HDAC9: variants seen among roughly 807,000 people sequenced by gnomAD.
HDAC9 encodes histone deacetylase 9, also known as MEF-2 interacting transcription repressor (MITR) protein.
Under a neutral mutation model 139.4 loss-of-function variants are expected in HDAC9, and 41 were observed. The observed-to-expected ratio is 0.29, with a 90% CI of 0.23 to 0.38. The LOEUF (loss-of-function observed/expected upper bound fraction) is 0.38, where lower values mean the gene tolerates loss of function less well. Ranked by LOEUF, HDAC9 falls within the 10% of genes least tolerant of loss-of-function variation. The pLI, the probability that HDAC9 is intolerant of heterozygous loss-of-function variation, is 1.00. For missense variants in HDAC9, 1,147 were observed against 1,297.0 expected, an observed-to-expected ratio of 0.88 and a Z score of 1.78; for synonymous variants, 517 against 476.2, an observed-to-expected ratio of 1.09 and a Z score of -1.12.
chr7:18,378,983 A>C (rs1346290020), intron 1 of HDAC9, among the ~76,000 whole-genome samples: 1 of 152,184 alleles, frequency 6.6e-6, no homozygotes, highest in African/African-American at 2.4e-5. Context: ...AAATAAAACC[A>C]AAGTTTGCTT....
At chr7:18,362,397 A>G (rs542119853) in intron 1 of HDAC9, among the ~76,000 whole-genome samples, 46 of 152,320 alleles carry the variant, frequency 3.0e-4, no homozygotes, top group African/African-American at 1.1e-3. Flanking sequence ...GTAACTTAAA[A>G]ACAAGTTTCT....
intron 2 of HDAC9, among the ~76,000 whole-genome samples, chr7:18,169,064 A>C (rs1159041107): frequency 6.6e-6 from 1 of 151,770 alleles, no homozygotes; most frequent in East Asian, 1.9e-4. Context: ...CAGTCTCCCA[A>C]GTAACTGGGA....
At chr7:18,819,554 G>T (rs1218418712) in intron 17 of HDAC9, among the ~76,000 whole-genome samples, 1 of 151,764 alleles carries the variant, frequency 6.6e-6, no homozygotes, top group Admixed American at 6.6e-5. Context: ...TTCTTTCCTG[G>T]ATACCACATG....
At chr7:18,921,731 T>C (rs990419625) in intron 22 of HDAC9, among the ~76,000 whole-genome samples, 22 of 152,260 alleles carry the variant, frequency 1.4e-4, no homozygotes, top group Non-Finnish European at 2.2e-4. Context: ...TTACTGGGTA[T>C]ATACCCAAAG....
chr7:18,496,478 C>T (rs1796977485), intron 2 of HDAC9, 154 bp downstream of exon 2: 1 of 633,904 alleles, frequency 1.6e-6, no homozygotes, highest in South Asian at 2.0e-5. Context: ...TAACTTAGAT[C>T]CCTTCCATTA....
In HDAC9 at chr7:18,988,790, T is replaced by G. The variant is rs1355370611; in HGVS notation, c.3171-7233T>G. Reference sequence around the variant, plus strand: ...TATTTAGGATAGTTAGCTCTTCTTGTTGAATTGACCCCTTTACCATTATGT... The same window carrying G: ...TATTTAGGATAGTTAGCTCTTCTTGGTGAATTGACCCCTTTACCATTATGT... On this transcript the variant is annotated intron_variant, in intron 25 of 25. Coordinates refer to ENST00000686413, the MANE Select transcript of HDAC9 (RefSeq NM_178425.4). Among the ~76,000 whole-genome samples, 6 of 152,060 alleles carry G rather than the reference T, an allele frequency of 3.9e-5. 1 individual carries two copies. The highest frequency in any genetic ancestry group is 1.4e-4 in the African/African-American group (6 of 41,450).
intron 2 of HDAC9, among the ~76,000 whole-genome samples, chr7:18,269,945 G>A (rs75082115): frequency 6.6e-6 from 1 of 151,936 alleles, no homozygotes; most frequent in Admixed American, 6.6e-5. Context: ...CACACAAAAG[G>A]GCTAGACAGG....
intron 16 of HDAC9, among the ~76,000 whole-genome samples, chr7:18,777,856 C>A (rs1342975978): frequency 6.6e-6 from 1 of 151,964 alleles, no homozygotes; most frequent in East Asian, 1.9e-4. Context: ...CTCACAGAAC[C>A]AAGAGGGCTG....
intron 12 of HDAC9, among the ~76,000 whole-genome samples, chr7:18,709,090 T>G (rs1379834437): frequency 6.6e-6 from 1 of 152,172 alleles, no homozygotes; most frequent in Non-Finnish European, 1.5e-5. Flanking sequence ...TTTTCTTTTT[T>G]TCTTTATTTT....
At chr7:18,752,790 T>G (rs945392498) in intron 14 of HDAC9, among the ~76,000 whole-genome samples, 1 of 152,134 alleles carries the variant, frequency 6.6e-6, no homozygotes, top group Non-Finnish European at 1.5e-5. Flanking sequence ...CACATAGTCG[T>G]CTGCCGTCTT....
intron 1 of HDAC9, among the ~76,000 whole-genome samples, chr7:18,326,372 A>G (rs1800445469): frequency 6.6e-6 from 1 of 152,064 alleles, no homozygotes; most frequent in Non-Finnish European, 1.5e-5. Flanking sequence ...TGTTTGGGGC[A>G]AAAATTGTTT....
chr7:18,455,977 A>G lies in HDAC9; in HGVS notation c.-41-40285A>G, dbSNP rs367578986. Reference sequence around the variant, plus strand: ...GGAAATTATTTCTAAAAGAAACAGAAGAAGCTTTTTTACTTGCTAGGGAGA... The same window carrying G: ...GGAAATTATTTCTAAAAGAAACAGAGGAAGCTTTTTTACTTGCTAGGGAGA... On this transcript the variant is annotated intron_variant, in intron 1 of 3. Coordinates refer to the HDAC9 transcript ENST00000413509. Among the ~76,000 whole-genome samples the G allele has an allele frequency of 2.4e-4, 36 of 152,320 alleles. 1 individual carries two copies. The East Asian group carries it at 4.8e-3, about 20-fold the overall frequency.
chr7:18,386,260 C>T (rs1447028100), intron 1 of HDAC9, among the ~76,000 whole-genome samples: 5 of 152,062 alleles, frequency 3.3e-5, no homozygotes, highest in Admixed American at 3.3e-4. Flanking sequence ...TAATGTGCAC[C>T]CTGGGCACCT....
At chr7:18,706,424 A>G (rs1257235458) in intron 12 of HDAC9, among the ~76,000 whole-genome samples, 2 of 152,186 alleles carry the variant, frequency 1.3e-5, no homozygotes, top group Admixed American at 6.5e-5. Flanking sequence ...TGCTTTCATA[A>G]AACAACAAGC....
At chr7:18,651,976 G>A (rs1185156005) in intron 11 of HDAC9, among the ~76,000 whole-genome samples, 1 of 152,062 alleles carries the variant, frequency 6.6e-6, no homozygotes, top group Non-Finnish European at 1.5e-5. Context: ...TCATGAGTTT[G>A]AATATTCTAT....
chr7:18,274,075 T>G (rs1796558260), intron 2 of HDAC9, among the ~76,000 whole-genome samples: 1 of 152,140 alleles, frequency 6.6e-6, no homozygotes, highest in South Asian at 2.1e-4. Context: ...ATGGGAAGTA[T>G]AATCCCTAGG....
chr7:18,985,786 A>G (rs1450958213), intron 25 of HDAC9, among the ~76,000 whole-genome samples: 8 of 139,472 alleles, frequency 5.7e-5, no homozygotes, highest in Admixed American at 4.1e-4. Context: ...ATGGTATCTC[A>G]TTGTGGTTTT....
intron 2 of HDAC9, among the ~76,000 whole-genome samples, chr7:18,523,319 C>T (rs1302751827): frequency 2.0e-5 from 3 of 152,276 alleles, no homozygotes; most frequent in African/African-American, 7.2e-5. Flanking sequence ...GTAATTATCA[C>T]ATAACCTCTA....
At chr7:18,109,239 G>T (rs1783440580) in intron 1 of HDAC9, among the ~76,000 whole-genome samples, 1 of 152,286 alleles carries the variant, frequency 6.6e-6, no homozygotes, top group African/African-American at 2.4e-5. Flanking sequence ...CAGTACCCAG[G>T]TTAAGCATTT....
Sources: gnomAD v4.1 joint callset for allele counts (sites outside exome capture counted in the v4.1 genomes callset) on GRCh38, gnomAD v4.1.1 for gene constraint, MANE v1.5 for transcripts, NCBI Gene and HGNC (gene_info 2026-07-23, HGNC 2026-07-21) for gene names.